The following GRM7 variants were observed in gnomAD, a reference collection of about 807,000 sequenced individuals.
GRM7 encodes glutamate metabotropic receptor 7.
A neutral mutation model predicts 84.5 loss-of-function variants in GRM7; 35 were observed. The observed-to-expected ratio is 0.41, with a 90% CI of 0.32 to 0.55. The LOEUF (loss-of-function observed/expected upper bound fraction) is 0.55, where lower values mean the gene tolerates loss of function less well. GRM7 is among the 20% of genes least tolerant of loss of function. The pLI is 0.19. For missense variants in GRM7, 1,003 were observed against 1,194.6 expected (o/e 0.84, Z 2.36); for synonymous variants, 487 against 455.1 (o/e 1.07, Z -0.89).
intron 8 of GRM7, among the ~76,000 whole-genome samples, chr3:7,659,144 A>G (rs1421857541): frequency 6.6e-6 from 1 of 152,224 alleles, no homozygotes; most frequent in Non-Finnish European, 1.5e-5. Flanking sequence ...TGAAATGAAC[A>G]TTAGCTGTAA....
At chr3:7,333,387 A>C (rs890028928) in intron 4 of GRM7, among the ~76,000 whole-genome samples, 1 of 152,186 alleles carries the variant, frequency 6.6e-6, no homozygotes, top group Admixed American at 6.5e-5. Context: ...AAGGGCAATA[A>C]AAATCACTGC....
chr3:7,586,416 C>T (rs182702728), intron 8 of GRM7, among the ~76,000 whole-genome samples: 118 of 151,762 alleles, frequency 7.8e-4, no homozygotes, highest in African/African-American at 2.7e-3. Flanking sequence ...TTCTAATAGC[C>T]CCACCCTGAA....
intron 7 of GRM7, among the ~76,000 whole-genome samples, chr3:7,477,440 G>A (rs1037794372): frequency 4.6e-5 from 7 of 152,020 alleles, no homozygotes; most frequent in Non-Finnish European, 1.0e-4. Flanking sequence ...CAACCCTGAC[G>A]CAAACTGGCT....
chr3:6,960,496 C>T (rs1693251052), intron 1 of GRM7, among the ~76,000 whole-genome samples: 1 of 152,118 alleles, frequency 6.6e-6, no homozygotes, highest in East Asian at 1.9e-4. Flanking sequence ...GCCTTTATTC[C>T]CATTTTACTC....
chr3:7,190,364 G>A (rs1262133098), intron 2 of GRM7, among the ~76,000 whole-genome samples: 1 of 152,030 alleles, frequency 6.6e-6, no homozygotes. Flanking sequence ...CTGGTAATGT[G>A]CCCAAACGGA....
chr3:7,043,734 A>C (rs1696708554), intron 1 of GRM7, among the ~76,000 whole-genome samples: 1 of 152,156 alleles, frequency 6.6e-6, no homozygotes, highest in African/African-American at 2.4e-5. Context: ...CATGATCCCT[A>C]TGCCTTTGTG....
chr3:7,619,489 G>A (rs374343878), intron 8 of GRM7, among the ~76,000 whole-genome samples: 23 of 151,914 alleles, frequency 1.5e-4, no homozygotes, highest in East Asian at 1.2e-3. Flanking sequence ...AAGACATTCC[G>A]GGCCTATATA....
intron 4 of GRM7, among the ~76,000 whole-genome samples, chr3:7,338,928 A>G (rs1701529249): frequency 6.6e-6 from 1 of 150,452 alleles, no homozygotes; most frequent in Non-Finnish European, 1.5e-5. Context: ...ACTACTTTCC[A>G]GGCTGGGGAA....
intron 2 of GRM7, among the ~76,000 whole-genome samples, chr3:7,150,719 C>G (rs1194899732): frequency 6.6e-6 from 1 of 152,136 alleles, no homozygotes; most frequent in East Asian, 1.9e-4. Flanking sequence ...AAAGAAAATC[C>G]ACTCTCTATG....
intron 1 of GRM7, among the ~76,000 whole-genome samples, chr3:7,043,306 C>A (rs981014373): frequency 1.3e-5 from 2 of 152,092 alleles, no homozygotes; most frequent in Non-Finnish European, 2.9e-5. Context: ...GGCATTCTGC[C>A]CTGTGAACTC....
At chr3:7,023,094 G>T (rs535274104) in intron 1 of GRM7, among the ~76,000 whole-genome samples, 1 of 152,102 alleles carries the variant, frequency 6.6e-6, no homozygotes, top group African/African-American at 2.4e-5. Context: ...AGTCGCACAG[G>T]AACAAAAGTT....
chr3:7,435,714 G>T (rs1170708278), intron 5 of GRM7, among the ~76,000 whole-genome samples: 4 of 123,810 alleles, frequency 3.2e-5, no homozygotes, highest in African/African-American at 9.5e-5. Flanking sequence ...TTGAGACAGA[G>T]TCTCGCTCTC....
chr3:7,340,121 T>C (rs2125077998), intron 4 of GRM7, among the ~76,000 whole-genome samples: 1 of 152,274 alleles, frequency 6.6e-6, no homozygotes, highest in African/African-American at 2.4e-5. Context: ...AGTTTTAATA[T>C]TTCTGTGAAA....
intron 1 of GRM7, among the ~76,000 whole-genome samples, chr3:7,055,246 G>A (rs963785985): frequency 2.0e-4 from 30 of 151,458 alleles, no homozygotes; most frequent in African/African-American, 7.0e-4. Context: ...GTTGGAGAGG[G>A]TTGCTGCTTT....
chr3:7,411,551 G>C (rs1695936774), intron 4 of GRM7, among the ~76,000 whole-genome samples: 1 of 152,096 alleles, frequency 6.6e-6, no homozygotes, highest in South Asian at 2.1e-4. Flanking sequence ...AACCACATAT[G>C]ACTGCCTCAT....
At chr3:7,629,520 T>C (rs1221441976) in intron 8 of GRM7, among the ~76,000 whole-genome samples, 1 of 152,178 alleles carries the variant, frequency 6.6e-6, no homozygotes, top group African/African-American at 2.4e-5. Flanking sequence ...ACCAGCCATA[T>C]TGGATCAGGG....
chr3:7,267,620 G>T (rs778435051), intron 2 of GRM7, among the ~76,000 whole-genome samples: 6 of 152,200 alleles, frequency 3.9e-5, no homozygotes, highest in Admixed American at 2.6e-4. Context: ...AGGGAAGAAG[G>T]CTTTCATCAG....
chr3:7,364,929 C>T (rs891399547), intron 4 of GRM7, among the ~76,000 whole-genome samples: 1 of 151,844 alleles, frequency 6.6e-6, no homozygotes, highest in Non-Finnish European at 1.5e-5. Context: ...TTACCTGGTT[C>T]GCTCTCTTTT....
chr3:7,006,114 C>T (rs191634755), intron 1 of GRM7, among the ~76,000 whole-genome samples: 68 of 152,204 alleles, frequency 4.5e-4, no homozygotes, highest in East Asian at 1.7e-3. Context: ...TCCAAATGCA[C>T]GATGTTTGTT....
Sources: allele counts gnomAD v4.1 joint callset (sites outside exome capture counted in the v4.1 genomes callset), GRCh38; gene constraint gnomAD v4.1.1; transcripts MANE v1.5; gene names NCBI Gene and HGNC (gene_info 2026-07-23, HGNC 2026-07-21).